ABCD3: variants seen among roughly 807,000 people sequenced by gnomAD.
ABCD3 encodes the protein ATP-binding cassette sub-family D member 3.
Under a neutral mutation model 105.5 loss-of-function variants are expected in ABCD3, and 41 were observed. The ratio of observed to expected loss-of-function variants is 0.39; its 90% CI spans 0.30 to 0.50. ABCD3 has a LOEUF of 0.50. ABCD3 is among the 20% of genes least tolerant of loss of function. The pLI is 0.84. For synonymous variants in ABCD3, 258 were observed against 269.0 expected, an observed-to-expected ratio of 0.96 and a Z score of 0.40; for missense variants, 622 against 806.3, an observed-to-expected ratio of 0.77 and a Z score of 2.77.
At chr1:94,514,390 C>G (rs1461995679) in intron 21 of ABCD3, 1 of 151,760 alleles carries the variant, frequency 6.6e-6, no homozygotes, top group Non-Finnish European at 1.5e-5. Context: ...GACCTCCCCA[C>G]CTTGGTTGAG....
chr1:94,502,872 G>A (rs866727442), intron 20 of ABCD3, among the ~76,000 whole-genome samples: 42 of 152,250 alleles, frequency 2.8e-4, no homozygotes, highest in African/African-American at 9.6e-4. Flanking sequence ...TGTTAAAGCT[G>A]GTGGTGGGGG....
At chr1:94,426,239 T>G (rs1659464870) in intron 1 of ABCD3, among the ~76,000 whole-genome samples, 1 of 152,194 alleles carries the variant, frequency 6.6e-6, no homozygotes, top group Admixed American at 6.5e-5. Context: ...TAGTTTTATG[T>G]GACATGGTTT....
intron 21 of ABCD3, among the ~76,000 whole-genome samples, chr1:94,512,484 G>A (rs644392): frequency 0.97 from 146,976 of 152,042 alleles, 71,139 homozygotes; most frequent in African/African-American, 0.99. Context: ...ATAAAACAAC[G>A]TATTTAAATC....
intron 1 of ABCD3, among the ~76,000 whole-genome samples, chr1:94,428,069 G>GTTT (rs199615252): frequency 3.8e-4 from 55 of 145,608 alleles, no homozygotes; most frequent in East Asian, 1.3e-3. Flanking sequence ...GCTAAAAGGT[G>GTTT]TTTTGTTTTT....
chr1:94,399,932 G>T, the ABCD3 span, among the ~76,000 whole-genome samples: 2 of 152,142 alleles, frequency 1.3e-5, no homozygotes, highest in Non-Finnish European at 2.9e-5. Context: ...GCAAACAGAA[G>T]GTCATAGCAT....
chr1:94,488,262 T>G (rs1649362770), intron 13 of ABCD3, among the ~76,000 whole-genome samples: 1 of 152,150 alleles, frequency 6.6e-6, no homozygotes, highest in African/African-American at 2.4e-5. Context: ...GCAGTCTTAA[T>G]TCACAGAAAA....
At chr1:94,396,947 A>G in the ABCD3 span, among the ~76,000 whole-genome samples, 1 of 152,192 alleles carries the variant, frequency 6.6e-6, no homozygotes, top group Admixed American at 6.5e-5. Context: ...ATTTCAAGAA[A>G]AAAAGTGTAT....
At chr1:94,403,553 T>A in the ABCD3 span, among the ~76,000 whole-genome samples, 1 of 152,258 alleles carries the variant, frequency 6.6e-6, no homozygotes. Context: ...CCCTTACCAG[T>A]TGGCCTTCGC....
intron 13 of ABCD3, 127 bp downstream of exon 13, chr1:94,488,110 G>A: frequency 1.2e-6 from 1 of 803,254 alleles, no homozygotes; most frequent in Non-Finnish European, 2.0e-6. Flanking sequence ...GGTTTTGATA[G>A]AAAATTAAGG....
chr1:94,401,165 A>C, the ABCD3 span, among the ~76,000 whole-genome samples: 1 of 152,256 alleles, frequency 6.6e-6, no homozygotes, highest in Non-Finnish European at 1.5e-5. Flanking sequence ...GTATTCTGTT[A>C]TAAGCAGCCA....
At chr1:94,513,609 G>A (rs1650787235) in intron 21 of ABCD3, 1 of 152,052 alleles carries the variant, frequency 6.6e-6, no homozygotes, top group Non-Finnish European at 1.5e-5. Context: ...AGAGACCTAT[G>A]ATACCGTTTA....
At position 94,459,008 on chromosome 1, in the gene ABCD3, T is replaced by TC. The variant is rs1292601835; in HGVS notation, c.147+369dup. ...TCTCCTTTTCTCCCTTCCTGTCCCCTCCCCTCCCCTTCCCTCTTTTTTCTT... is the reference window on the plus strand; with the variant it reads ...TCTCCTTTTCTCCCTTCCTGTCCCCTCCCCCTCCCCTTCCCTCTTTTTTCTT... On this transcript the variant is annotated intron_variant, in intron 2 of 22. Coordinates refer to ENST00000370214, the MANE Select transcript of ABCD3 (RefSeq NM_002858.4). 5.6e-5 allele frequency among the ~76,000 whole-genome samples: 6 copies of TC among 107,794 alleles called. No individual in the cohort carries two copies. The South Asian group carries it at 1.1e-3, about 19-fold the overall frequency. 70.7% of individuals were successfully genotyped at this position (107,794 alleles called of 152,430 possible).
intron 4 of ABCD3, 46 bp from the exon 5 acceptor site, chr1:94,473,720 A>C: frequency 6.3e-6 from 9 of 1,422,636 alleles, no homozygotes; most frequent in Non-Finnish European, 8.9e-6. Context: ...CTAGTGTTAG[A>C]TTTTGCTTCT....
chr1:94,455,860 A>C, intron 1 of ABCD3: 1 of 1,248,682 alleles, frequency 8.0e-7, no homozygotes, highest in Non-Finnish European at 1.0e-6. Flanking sequence ...GTACTGCATG[A>C]ATCTCCATTT....
In ABCD3 at chr1:94,483,259, G is replaced by A. The variant is rs1239675310; in HGVS notation, c.897+20G>A. The A allele has an allele frequency of 1.3e-6, 2 of 1,592,462 alleles. No homozygotes were observed. Among genetic ancestry groups the A allele is most frequent in the African/African-American group, 2.7e-5 (2 of 74,550 alleles). On this transcript the variant is annotated intron_variant, in intron 10 of 22. Coordinates refer to ENST00000370214, the MANE Select transcript of ABCD3 (RefSeq NM_002858.4). ...AAACTGGTAAGATAACACACTTGAGGTTCATGTGTTTATGGAAAGGGTTTT... is the reference window on the plus strand; with the variant it reads ...AAACTGGTAAGATAACACACTTGAGATTCATGTGTTTATGGAAAGGGTTTT...
At chr1:94,422,406 C>T (rs933234672) in intron 1 of ABCD3, among the ~76,000 whole-genome samples, 2 of 152,216 alleles carry the variant, frequency 1.3e-5, no homozygotes, top group Non-Finnish European at 2.9e-5. Context: ...TGAGGCAAAA[C>T]AGTTTCATCC....
Position 94,464,693 on chromosome 1 carries a change from T to C in ABCD3, c.148-82T>C, listed in dbSNP as rs1337578555. The stretch of plus-strand genomic sequence containing the variant: ...TTTTTATCTTGATAGCTGTTTATGT[T>C]GACTTAGATGAAACATGGTTCTTTA... On this transcript the variant is annotated intron_variant, in intron 2 of 22. Coordinates refer to ENST00000370214, the MANE Select transcript of ABCD3 (RefSeq NM_002858.4). The C allele has an allele frequency of 3.3e-6, 4 of 1,222,880 alleles. No homozygotes were observed. In the African/African-American group the frequency reaches 5.9e-5, roughly 18 times the overall value. The allele number at this position is 1,222,880 out of a possible 1,614,324, so 75.8% of individuals were successfully genotyped here.
chr1:94,406,929 T>C, the ABCD3 span: 12 of 153,400 alleles, frequency 7.8e-5, no homozygotes, highest in African/African-American at 2.9e-4. Flanking sequence ...AAGGCTATAG[T>C]ATGTTTCACT....
chr1:94,404,102 C>T, the ABCD3 span, among the ~76,000 whole-genome samples: 2 of 152,126 alleles, frequency 1.3e-5, no homozygotes, highest in African/African-American at 4.8e-5. Flanking sequence ...CTGAGGTTTC[C>T]AGTTGCAATC....
Sources: gnomAD v4.1 joint callset for allele counts (sites outside exome capture counted in the v4.1 genomes callset) on GRCh38, gnomAD v4.1.1 for gene constraint, MANE v1.5 for transcripts, NCBI Gene and HGNC (gene_info 2026-07-23, HGNC 2026-07-21) for gene names.